Variants in GLS observed in about 807,000 individuals in gnomAD.
GLS encodes the protein glutaminase kidney isoform, mitochondrial.
GLS carries 36 observed loss-of-function variants against 86.7 expected under a neutral mutation model. That is an observed-to-expected ratio of 0.42 (90% CI 0.32 to 0.55). GLS has a LOEUF of 0.55. Ranked by LOEUF, GLS falls within the 20% of genes least tolerant of loss-of-function variation. GLS has a pLI of 0.17. For missense variants in GLS, 528 were observed against 833.4 expected, an observed-to-expected ratio of 0.63 and a Z score of 4.51; for synonymous variants, 317 against 305.9, an observed-to-expected ratio of 1.04 and a Z score of -0.38.
chr2:190,887,155 A>AAAG (rs1457854639), intron 1 of GLS, among the ~76,000 whole-genome samples: 4 of 152,162 alleles, frequency 2.6e-5, no homozygotes, highest in African/African-American at 4.8e-5. Context: ...AAGGTGAGTA[A>AAAG]ACAGATGTAT....
At chr2:190,904,444 C>T (rs1304615633) in intron 5 of GLS, among the ~76,000 whole-genome samples, 1 of 152,088 alleles carries the variant, frequency 6.6e-6, no homozygotes, top group Non-Finnish European at 1.5e-5. Flanking sequence ...AACCATTATT[C>T]TGTTACGTGA....
At position 190,893,451 on chromosome 2, in the gene GLS, A is replaced by G. The variant is rs1215560158; in HGVS notation, c.387-1701A>G. Among the ~76,000 whole-genome samples, 14 of 152,240 alleles carry G rather than the reference A, an allele frequency of 9.2e-5. No individual in the cohort carries two copies. The South Asian group carries it at 2.7e-3, about 29-fold the overall frequency. The stretch of plus-strand genomic sequence containing the variant: ...CTAAGTATGTACCAGAAATCATACT[A>G]TGTTTTGGATAACAGTAGTACCTCT... On this transcript the variant is annotated intron_variant, in intron 1 of 17. Coordinates refer to ENST00000320717, the MANE Select transcript of GLS (RefSeq NM_014905.5).
At position 190,964,169 on chromosome 2, in the gene GLS, A is replaced by ATTCT. The variant is rs1323772609; in HGVS notation, c.*1186_*1189dup. The ATTCT allele has an allele frequency of 6.6e-6, 1 of 152,234 alleles. No homozygotes were observed. Among genetic ancestry groups the ATTCT allele is most frequent in the East Asian group, 1.9e-4 (1 of 5,178 alleles). 9.4% of individuals were successfully genotyped at this position (152,234 alleles called of 1,614,324 possible). On this transcript the variant is annotated 3_prime_UTR_variant, in exon 18 of 18. Transcript: ENST00000320717. This position sits in a 1 kb window ranked among gnomAD's most constrained non-coding sequence, Gnocchi z 5.2. ...ATTTCATTTTAAATTGTGACCTATA[A>ATTCT]TTCTTTGTCTTGGGTTGGTAATTCA...
intron 11 of GLS, chr2:190,926,908 A>G: frequency 6.4e-6 from 1 of 156,420 alleles, no homozygotes; most frequent in East Asian, 1.9e-4. Context: ...CATAATCTTC[A>G]TGTATGGTGC....
rs1330297820 is a variant in GLS at position 190,947,387 on chromosome 2, A to C, written c.1651-6178A>C. On this transcript the variant is annotated intron_variant, in intron 14 of 17. Transcript: ENST00000320717. The surrounding 1 kb of genome is among the most constrained non-coding windows in gnomAD (Gnocchi z 5.0). ...TGTCATGACTTTGTACAAATAAACT[A>C]AGATAAGATTGTCTGGTTCGGGCAG... Among the ~76,000 whole-genome samples the C allele has an allele frequency of 2.0e-5, 3 of 152,238 alleles. No individual in the cohort carries two copies. Among genetic ancestry groups the C allele is most frequent in the Admixed American group, 1.3e-4 (2 of 15,286 alleles).
At position 190,880,921 on chromosome 2, in the gene GLS, C is replaced by CAGCAGCAGCAGCCG. The variant is rs1559309651; in HGVS notation, c.-164_-163insAGCAGCAGCAGCCG. 1.3e-6 allele frequency: 1 copy of CAGCAGCAGCAGCCG among 749,300 alleles called. No homozygotes were observed. The highest frequency in any genetic ancestry group is 3.1e-5 in the East Asian group (1 of 32,722). The allele number at this position is 749,300 out of a possible 1,614,324, so 46.4% of individuals were successfully genotyped here. A position where few individuals can be genotyped will look rare whatever the true frequency, so the allele number is the denominator to read the frequency against. On this transcript the variant is annotated 5_prime_UTR_variant, in exon 1 of 18. Transcript: ENST00000320717. ...AGCAGCAGCAGCAGCAGCAGCAGCA[C>CAGCAGCAGCAGCCG]CCGCATCCGCTGCGGGAGTCCGAGC...
chr2:190,887,745 G>A (rs1688434638), intron 1 of GLS, among the ~76,000 whole-genome samples: 2 of 151,974 alleles, frequency 1.3e-5, no homozygotes, highest in African/African-American at 4.8e-5. Context: ...TATTATTTTT[G>A]GTACAGTGTT....
At position 190,933,542 on chromosome 2, in the gene GLS, A is replaced by C. The variant is rs1212054012; in HGVS notation, c.1650+1905A>C. On this transcript the variant is annotated intron_variant, in intron 14 of 17. Transcript: ENST00000320717. ...GAGTTGTTATATACAGGAGTGTCTT[A>C]TGTTACTAAAACATTCCAGCCAAAG... 4.2e-6 allele frequency: 4 copies of C among 956,944 alleles called. No individual in the cohort carries two copies. In the East Asian group the frequency reaches 4.6e-4, roughly 110 times the overall value. 59.3% of individuals were successfully genotyped at this position (956,944 alleles called of 1,614,324 possible).
intron 7 of GLS, among the ~76,000 whole-genome samples, chr2:190,915,605 T>C (rs1376330765): frequency 6.6e-6 from 1 of 152,194 alleles, no homozygotes; most frequent in Non-Finnish European, 1.5e-5. Context: ...TTAAGATAAG[T>C]CAGTTTCAAA....
At chr2:190,932,561 G>A (rs969702807) in intron 14 of GLS, 1 of 415,942 alleles carries the variant, frequency 2.4e-6, no homozygotes, top group Non-Finnish European at 4.1e-6. Flanking sequence ...AAACTTCCAT[G>A]GGAGTCGACC....
chr2:190,887,435 A>G (rs1477304110), intron 1 of GLS, among the ~76,000 whole-genome samples: 1 of 152,176 alleles, frequency 6.6e-6, no homozygotes, highest in Non-Finnish European at 1.5e-5. Flanking sequence ...TGTTTATAGT[A>G]AAAGCATTAC....
intron 14 of GLS, among the ~76,000 whole-genome samples, chr2:190,950,828 G>A (rs958361980): frequency 2.6e-5 from 4 of 152,254 alleles, no homozygotes; most frequent in African/African-American, 9.6e-5. Context: ...GAGACTAGAA[G>A]AGGAGCTGAC....
At position 190,930,696 on chromosome 2, in the gene GLS, G is replaced by A; in HGVS notation, c.1557+128G>A. The A allele has an allele frequency of 1.3e-6, 1 of 760,876 alleles. No individual in the cohort carries two copies. Among genetic ancestry groups the A allele is most frequent in the Non-Finnish European group, 2.0e-6 (1 of 487,984 alleles). The allele number at this position is 760,876 out of a possible 1,614,324, so 47.1% of individuals were successfully genotyped here. A position where few individuals can be genotyped will look rare whatever the true frequency, so the allele number is the denominator to read the frequency against. On this transcript the variant is annotated intron_variant, in intron 13 of 17. Coordinates refer to ENST00000320717, the MANE Select transcript of GLS (RefSeq NM_014905.5). The surrounding 1 kb of genome is among the most constrained non-coding windows in gnomAD (Gnocchi z 5.0). ...CGCCTATAGTGTGCCAGTTACTAGG[G>A]AGCCGTGGAAATACTCCCAGAGGAG...
Position 190,900,651 on chromosome 2 carries a change from T to G in GLS, c.693T>G (p.Ile231Met). 6.2e-7 allele frequency: 1 copy of G among 1,605,522 alleles called. No individual in the cohort carries two copies. The highest frequency in any genetic ancestry group is 2.2e-5 in the East Asian group (1 of 44,648). ...IPDFMSFTSH[I>M]DELYESAKKQ... Reference sequence around the variant, plus strand: ...ACTTTATGTCTTTTACCTCACACATTGATGAGTTATATGAAAGTGCTAAAA... The same window carrying G: ...ACTTTATGTCTTTTACCTCACACATGGATGAGTTATATGAAAGTGCTAAAA... The change falls in exon 4 of 18, where the codon ATT becomes ATG. Residue 231 changes from isoleucine to methionine, a missense_variant. Ile to Met is a conservative substitution (Grantham distance 10). This residue lies in a region of GLS where 111 missense variants were observed against 179.5 expected (regional missense o/e 0.62). Transcript: ENST00000320717.
chr2:190,883,088 T>G (rs1688258893), intron 1 of GLS, among the ~76,000 whole-genome samples: 1 of 152,202 alleles, frequency 6.6e-6, no homozygotes, highest in African/African-American at 2.4e-5. Context: ...GTGGCTCTAG[T>G]GCCTCTCTTT....
rs1163218407 is a variant in GLS, at chr2:190,953,665, A to G, written c.1712+39A>G. The G allele has an allele frequency of 7.3e-7, 1 of 1,364,644 alleles. No individual in the cohort carries two copies. The highest frequency in any genetic ancestry group is 1.2e-5 in the South Asian group (1 of 84,558). 84.5% of individuals were successfully genotyped at this position (1,364,644 alleles called of 1,614,324 possible). A position where few individuals can be genotyped will look rare whatever the true frequency, so the allele number is the denominator to read the frequency against. On this transcript the variant is annotated intron_variant, in intron 15 of 17. Transcript: ENST00000320717. The surrounding 1 kb of genome is among the most constrained non-coding windows in gnomAD (Gnocchi z 4.0). ...ATGGATTAGCATGCACTTTACAGAT[A>G]TTTATGAAGTTGCTTCTGGGCGAGC... is the stretch of plus-strand genomic sequence containing the variant.
intron 14 of GLS, among the ~76,000 whole-genome samples, chr2:190,940,692 T>C (rs1247177018): frequency 2.0e-5 from 3 of 152,046 alleles, no homozygotes; most frequent in South Asian, 2.1e-4. Context: ...TCTGGCTTCC[T>C]GGTTTCCATT....
At chr2:190,892,315 A>G (rs1688593730) in intron 1 of GLS, among the ~76,000 whole-genome samples, 1 of 152,202 alleles carries the variant, frequency 6.6e-6, no homozygotes, top group African/African-American at 2.4e-5. Context: ...AAGGTGAGAA[A>G]TAAGGATTTT....
In GLS at chr2:190,953,859, TC is replaced by T. The variant is rs1690784412; in HGVS notation, c.1712+234del. Among the ~76,000 whole-genome samples, 1 of 152,104 alleles carries T rather than the reference TC, an allele frequency of 6.6e-6. No individual in the cohort carries two copies. Among genetic ancestry groups the T allele is most frequent in the Non-Finnish European group, 1.5e-5 (1 of 68,028 alleles). On this transcript the variant is annotated intron_variant, in intron 15 of 17. Transcript: ENST00000320717. This position sits in a 1 kb window ranked among gnomAD's most constrained non-coding sequence, Gnocchi z 4.0. ...CTCTGTTTCCCCAAGTAGTAACTGT[TC>T]AGCTAATCTGGCTAATTAGTACCAG... is the stretch of plus-strand genomic sequence containing the variant.
Sources: allele counts gnomAD v4.1 joint callset (sites outside exome capture counted in the v4.1 genomes callset), GRCh38; gene constraint gnomAD v4.1.1; regional missense constraint gnomAD v4.1.1; non-coding constraint Gnocchi (gnomAD v3.1); transcripts MANE v1.5; gene names NCBI Gene and HGNC (gene_info 2026-07-23, HGNC 2026-07-21).